DIAPH1: variants seen among roughly 807,000 people sequenced by gnomAD.
The protein encoded by DIAPH1 is diaphanous related formin 1, also known as protein diaphanous homolog 1.
A neutral mutation model predicts 140.7 loss-of-function variants in DIAPH1; 46 were observed. The observed-to-expected ratio is 0.33, with a 90% CI of 0.26 to 0.42. The LOEUF (loss-of-function observed/expected upper bound fraction) is 0.42. Ranked by LOEUF, DIAPH1 falls within the 10% of genes least tolerant of loss-of-function variation. The pLI is 1.00. For missense variants in DIAPH1, 1,310 were observed against 1,558.7 expected (o/e 0.84, Z 2.69); for synonymous variants, 565 against 551.6 (o/e 1.02, Z -0.34).
intron 19 of DIAPH1, among the ~76,000 whole-genome samples, chr5:141,531,815 C>G (rs1407327283): frequency 2.6e-5 from 4 of 152,106 alleles, no homozygotes; most frequent in Admixed American, 6.6e-5. Flanking sequence ...TATCCTCTCC[C>G]TCTCTTATTC....
rs569562629 is a variant in DIAPH1, at chr5:141,556,585, C to T, written c.2482+14843G>A. On this transcript the variant is annotated intron_variant, in intron 18 of 27. Transcript: ENST00000389054. ...GGGCATTGCTCCTTCACTTGGTCAC[C>T]AATAGCCTCTGTGGGAAATCCTAAA... is the stretch of plus-strand genomic sequence containing the variant. 3.3e-4 allele frequency among the ~76,000 whole-genome samples: 50 copies of T among 152,328 alleles called. 1 individual carries two copies. Among genetic ancestry groups the T allele is most frequent in the African/African-American group, 1.2e-3 (49 of 41,564 alleles).
intron 27 of DIAPH1, 94 bp downstream of exon 27, chr5:141,524,049 G>C: frequency 9.7e-7 from 1 of 1,035,314 alleles, no homozygotes; most frequent in Non-Finnish European, 1.5e-6. Flanking sequence ...AAGATGCTTA[G>C]AGCATCATTA....
At chr5:141,601,121 A>G (rs754604787) in intron 1 of DIAPH1, among the ~76,000 whole-genome samples, 4 of 152,128 alleles carry the variant, frequency 2.6e-5, no homozygotes, top group Admixed American at 6.5e-5. Context: ...AGATACACCT[A>G]ATGTAAATTA....
Position 141,528,496 on chromosome 5 carries a change from G to C in DIAPH1, c.3105C>G (p.Leu1035=). Residue 1035 remains leucine, a synonymous_variant, in exon 23 of 28, where the codon CTC becomes CTG. Transcript: ENST00000389054. Reference sequence around the variant, plus strand: ...CATGGGCAAGCTCGTCTGGAAACTTGAGGACATCGGGATAGTCATTCTCAC... The same window carrying C: ...CATGGGCAAGCTCGTCTGGAAACTTCAGGACATCGGGATAGTCATTCTCAC... ...ELCENDYPDV[L]KFPDELAHVE... 1 of 1,614,190 alleles carries C rather than the reference G, an allele frequency of 6.2e-7. No individual in the cohort carries two copies. Among genetic ancestry groups the C allele is most frequent in the Non-Finnish European group, 8.5e-7 (1 of 1,180,032 alleles).
chr5:141,559,634 G>A (rs2099893206), intron 18 of DIAPH1, among the ~76,000 whole-genome samples: 2 of 152,164 alleles, frequency 1.3e-5, no homozygotes, highest in African/African-American at 4.8e-5. Flanking sequence ...TAGTCATTGA[G>A]TTTCCCACAG....
chr5:141,562,796 T>C (rs942990331), intron 18 of DIAPH1, among the ~76,000 whole-genome samples: 6 of 152,132 alleles, frequency 3.9e-5, no homozygotes, highest in Non-Finnish European at 7.4e-5. Context: ...CCAAATAGTG[T>C]AAGGTCAAGG....
chr5:141,534,637 A>AT (rs2154595141), intron 18 of DIAPH1: 1 of 599,874 alleles, frequency 1.7e-6, no homozygotes, highest in South Asian at 2.1e-5. Context: ...TCTCATTTTC[A>AT]TTTCTTCAAT....
intron 16 of DIAPH1, among the ~76,000 whole-genome samples, 188 bp downstream of exon 16, chr5:141,573,304 G>T (rs568019220): frequency 2.6e-5 from 4 of 151,906 alleles, no homozygotes; most frequent in African/African-American, 9.7e-5. Flanking sequence ...GCGTGGTGGC[G>T]CGCGCCTATA....
At chr5:141,586,003 C>T (rs1014559263) in intron 3 of DIAPH1, among the ~76,000 whole-genome samples, 1 of 152,274 alleles carries the variant, frequency 6.6e-6, no homozygotes, top group African/African-American at 2.4e-5. Context: ...TCTGGCACTA[C>T]TAGGCAAGTA....
At chr5:141,575,226 C>T in intron 14 of DIAPH1, 80 bp from the exon 15 acceptor site, 1 of 1,471,960 alleles carries the variant, frequency 6.8e-7, no homozygotes, top group Non-Finnish European at 9.5e-7. Flanking sequence ...ATAATTCTCC[C>T]TACCTCCTCT....
intron 1 of DIAPH1, among the ~76,000 whole-genome samples, chr5:141,609,899 G>A (rs2099901541): frequency 6.6e-6 from 1 of 152,200 alleles, no homozygotes; most frequent in African/African-American, 2.4e-5. Context: ...AATGTTCTCT[G>A]TTGACCACAG....
intron 18 of DIAPH1, among the ~76,000 whole-genome samples, chr5:141,539,206 G>A (rs1005331255): frequency 6.6e-6 from 1 of 152,002 alleles, no homozygotes; most frequent in Non-Finnish European, 1.5e-5. Context: ...AAACCCAGGA[G>A]GCGGAGGTTG....
At chr5:141,618,582 C>T in intron 1 of DIAPH1, 1 of 463,722 alleles carries the variant, frequency 2.2e-6, no homozygotes, top group East Asian at 4.2e-5. Flanking sequence ...GAGGGAAGCC[C>T]CGAGGTGGCC....
At chr5:141,536,434 A>G (rs2099889031) in intron 18 of DIAPH1, among the ~76,000 whole-genome samples, 1 of 152,236 alleles carries the variant, frequency 6.6e-6, no homozygotes, top group Admixed American at 6.5e-5. Flanking sequence ...GGGCAATGGA[A>G]ATAAAAGAAG....
chr5:141,580,952 G>C, intron 7 of DIAPH1, 69 bp from the exon 8 acceptor site: 8 of 1,591,138 alleles, frequency 5.0e-6, no homozygotes, highest in Non-Finnish European at 6.9e-6. Flanking sequence ...CAAGTTTACG[G>C]GTTGTTATGG....
chr5:141,537,483 C>CAAAAAAAA (rs34323841), intron 18 of DIAPH1, among the ~76,000 whole-genome samples: 9 of 36,948 alleles, frequency 2.4e-4, no homozygotes, highest in African/African-American at 1.1e-3. Flanking sequence ...AACTCCGTCT[C>CAAAAAAAA]AAAAAAAAAA....
chr5:141,528,298 C>T (rs1052380326), intron 23 of DIAPH1, among the ~76,000 whole-genome samples, 155 bp downstream of exon 23: 4 of 152,100 alleles, frequency 2.6e-5, no homozygotes, highest in African/African-American at 4.8e-5. Flanking sequence ...CTCAGCCATA[C>T]GCTCTGCCCT....
At chr5:141,561,648 ATC>A (rs1306957174) in intron 18 of DIAPH1, among the ~76,000 whole-genome samples, 3 of 152,194 alleles carry the variant, frequency 2.0e-5, no homozygotes, top group African/African-American at 7.2e-5. Context: ...CCCTAACAAA[ATC>A]TCTGTTACAG....
At chr5:141,616,558 G>C (rs1284370145) in intron 1 of DIAPH1, among the ~76,000 whole-genome samples, 3 of 152,154 alleles carry the variant, frequency 2.0e-5, no homozygotes, top group Admixed American at 6.5e-5. Context: ...TACATACACA[G>C]ACACAAAGAG....
Sources: gnomAD v4.1 joint callset for allele counts (sites outside exome capture counted in the v4.1 genomes callset) on GRCh38, gnomAD v4.1.1 for gene constraint, MANE v1.5 for transcripts, NCBI Gene and HGNC (gene_info 2026-07-23, HGNC 2026-07-21) for gene names.